TMEM131: variants seen among roughly 807,000 people sequenced by gnomAD.
TMEM131 encodes the protein transmembrane protein 131.
A neutral mutation model predicts 211.6 loss-of-function variants in TMEM131; 66 were observed. The observed-to-expected ratio is 0.31, with a 90% CI of 0.26 to 0.38. TMEM131 has a LOEUF of 0.38. TMEM131 is among the 10% of genes least tolerant of loss of function. The pLI is 1.00. For missense variants in TMEM131, 2,036 were observed against 2,299.3 expected, an observed-to-expected ratio of 0.89 and a Z score of 2.34; for synonymous variants, 844 against 841.3, an observed-to-expected ratio of 1.00 and a Z score of -0.06.
chr2:97,885,207 T>A (rs1414532535), intron 4 of TMEM131, among the ~76,000 whole-genome samples: 2 of 152,196 alleles, frequency 1.3e-5, no homozygotes, highest in Non-Finnish European at 2.9e-5. Context: ...GTGAAAGATT[T>A]TTTTTTTTGA....
intron 22 of TMEM131, 62 bp from the exon 23 acceptor site, chr2:97,802,852 G>T: frequency 7.2e-7 from 1 of 1,384,398 alleles, no homozygotes; most frequent in Non-Finnish European, 9.7e-7. Flanking sequence ...CTGAACATAA[G>T]AAATTCAATT....
At position 97,762,087 on chromosome 2, in the gene TMEM131, G is replaced by GCCA. The variant is rs1559342039; in HGVS notation, c.4836_4837insTGG (p.Cys1612_Pro1613insTrp). The GCCA allele has an allele frequency of 1.2e-6, 2 of 1,610,448 alleles. No homozygotes were observed. The highest frequency in any genetic ancestry group is 3.4e-5 in the Admixed American group (2 of 59,472). On this transcript the variant is annotated inframe_insertion, in exon 36 of 41. Transcript: ENST00000186436. ...CTGTAGCTGCCCCGGGCCACAAAGG[G>GCCA]GCAGGGGGCAGCTGGGGGAGACGGG... is the stretch of plus-strand genomic sequence containing the variant.
rs1433504725 is a variant in TMEM131, at chr2:97,792,746, G to C, written c.3784C>G (p.Pro1262Ala). Residue 1262 changes from proline (P) to alanine (A), a missense_variant, in exon 31 of 41, where the codon CCC becomes GCC. By Grantham distance (27) the Pro-to-Ala change is conservative. This residue lies in a region of TMEM131 where 1,623 missense variants were observed against 1,805.9 expected (regional missense o/e 0.90). Transcript: ENST00000186436. ...ACTGTGTTCGAATCTAAGACAAGGG[G>C]GCTTGTTTTGTTAGCAGACTGTGAA... ...ASSQSANKTS[P>A]LVLDSNTVTQ... 3.7e-6 allele frequency: 6 copies of C among 1,613,910 alleles called. No individual in the cohort carries two copies. The Admixed American group carries it at 1.0e-4, about 27-fold the overall frequency.
chr2:97,893,057 C>A (rs952633524), intron 3 of TMEM131, among the ~76,000 whole-genome samples: 2 of 152,056 alleles, frequency 1.3e-5, no homozygotes, highest in Non-Finnish European at 2.9e-5. Flanking sequence ...AGCCGCCCAA[C>A]CCCCGACAGG....
rs561264197 is a variant in TMEM131 at position 97,905,480 on chromosome 2, T to C, written c.290+3178A>G. 6.6e-5 allele frequency among the ~76,000 whole-genome samples: 10 copies of C among 152,300 alleles called. No individual in the cohort carries two copies. The South Asian group carries it at 2.1e-3, about 32-fold the overall frequency. On this transcript the variant is annotated intron_variant, in intron 3 of 40. Transcript: ENST00000186436. ...CTTTGACAGCTCCTCCCTCTCCCAA[T>C]TCCTAGGAACTCACTTAGACATGTG...
At chr2:97,820,808 AT>A (rs1682079342) in intron 11 of TMEM131, among the ~76,000 whole-genome samples, 1 of 151,756 alleles carries the variant, frequency 6.6e-6, no homozygotes, top group Non-Finnish European at 1.5e-5. Flanking sequence ...GTGAGCCAAG[AT>A]TGGGACACTG....
intron 11 of TMEM131, among the ~76,000 whole-genome samples, chr2:97,825,655 A>C (rs1245931706): frequency 6.6e-6 from 1 of 152,194 alleles, no homozygotes; most frequent in African/African-American, 2.4e-5. Context: ...TCACAGGACA[A>C]CACTTCTCTT....
At position 97,801,769 on chromosome 2, in the gene TMEM131, G is replaced by A. The variant is rs17022557; in HGVS notation, c.2718+126C>T. On this transcript the variant is annotated intron_variant, in intron 25 of 40. Transcript: ENST00000186436. The stretch of plus-strand genomic sequence containing the variant: ...TTGCCTCTGAAATAATTACTGGACT[G>A]CTCTGACTTCTTCAGTAACTTACCC... 2.6e-5 allele frequency: 16 copies of A among 612,320 alleles called. No individual in the cohort carries two copies. In the East Asian group the frequency reaches 5.0e-4, roughly 19 times the overall value. 37.9% of individuals were successfully genotyped at this position (612,320 alleles called of 1,614,324 possible).
intron 1 of TMEM131, among the ~76,000 whole-genome samples, chr2:97,929,214 G>C (rs1191587695): frequency 1.3e-5 from 2 of 151,736 alleles, no homozygotes; most frequent in East Asian, 1.9e-4. Context: ...GATGGGGATA[G>C]AGAAAGGAAG....
chr2:97,781,063 A>C (rs980865515), intron 31 of TMEM131, among the ~76,000 whole-genome samples: 1 of 152,174 alleles, frequency 6.6e-6, no homozygotes, highest in Non-Finnish European at 1.5e-5. Flanking sequence ...GAGGTCATGC[A>C]ATCATTCGGG....
At chr2:97,772,624 G>A (rs752316935) in intron 32 of TMEM131, among the ~76,000 whole-genome samples, 200 bp from the exon 33 acceptor site, 21 of 152,214 alleles carry the variant, frequency 1.4e-4, no homozygotes, top group Non-Finnish European at 2.6e-4. Flanking sequence ...AGCTGTGTGC[G>A]GTGGCGCATG....
chr2:97,861,164 C>T (rs1189934361), intron 4 of TMEM131, among the ~76,000 whole-genome samples: 1 of 152,080 alleles, frequency 6.6e-6, no homozygotes, highest in Non-Finnish European at 1.5e-5. Context: ...CTAAAGTGTT[C>T]TGGGGCCCTA....
chr2:97,850,871 G>A (rs1673596709), intron 5 of TMEM131, among the ~76,000 whole-genome samples: 1 of 152,044 alleles, frequency 6.6e-6, no homozygotes, highest in Non-Finnish European at 1.5e-5. Flanking sequence ...GTTTTTATGA[G>A]AACTTAATTT....
At chr2:97,815,405 T>C in intron 12 of TMEM131, 98 bp from the exon 13 acceptor site, 3 of 665,052 alleles carry the variant, frequency 4.5e-6, no homozygotes, top group Non-Finnish European at 7.0e-6. Flanking sequence ...AAAAAAAAAG[T>C]TGAGCTTCCA....
At chr2:97,865,531 C>G (rs1040029874) in intron 4 of TMEM131, among the ~76,000 whole-genome samples, 4 of 152,140 alleles carry the variant, frequency 2.6e-5, no homozygotes, top group Non-Finnish European at 5.9e-5. Context: ...TGTTTATTGA[C>G]TTGATTATTG....
chr2:97,950,996 A>G (rs1678285360), intron 1 of TMEM131, among the ~76,000 whole-genome samples: 1 of 152,236 alleles, frequency 6.6e-6, no homozygotes, highest in African/African-American at 2.4e-5. Flanking sequence ...GAACACATGC[A>G]CTGTTAATTT....
At chr2:97,925,728 TAAAGA>T (rs1320698935) in intron 2 of TMEM131, among the ~76,000 whole-genome samples, 1 of 152,162 alleles carries the variant, frequency 6.6e-6, no homozygotes, top group Admixed American at 6.5e-5. Context: ...TATCTAAAAA[TAAAGA>T]AAACAAGTCT....
At chr2:97,896,565 T>A (rs1675620158) in intron 3 of TMEM131, among the ~76,000 whole-genome samples, 2 of 152,152 alleles carry the variant, frequency 1.3e-5, no homozygotes, top group Non-Finnish European at 2.9e-5. Flanking sequence ...GCATATATAT[T>A]TAGGATAGTT....
At chr2:97,817,583 A>G (rs17022736) in intron 12 of TMEM131, among the ~76,000 whole-genome samples, 3,858 of 152,226 alleles carry the variant, frequency 0.025, 168 homozygotes, top group African/African-American at 0.089. Context: ...CTATAATACT[A>G]TTTCTTGACA....
Sources: allele counts gnomAD v4.1 joint callset (sites outside exome capture counted in the v4.1 genomes callset), GRCh38; gene constraint gnomAD v4.1.1; regional missense constraint gnomAD v4.1.1; transcripts MANE v1.5; gene names NCBI Gene and HGNC (gene_info 2026-07-23, HGNC 2026-07-21).